Variants in TCF20 observed in about 807,000 individuals in gnomAD.
The protein encoded by TCF20 is transcription factor 20.
Under a neutral mutation model 148.6 loss-of-function variants are expected in TCF20, and 3 were observed. The ratio of observed to expected loss-of-function variants is 0.02; its 90% CI spans 0.01 to 0.05. The LOEUF is 0.05. Ranked by LOEUF, TCF20 falls within the 10% of genes least tolerant of loss-of-function variation. The pLI is 1.00. For synonymous variants in TCF20, 1,049 were observed against 909.5 expected, an observed-to-expected ratio of 1.15 and a Z score of -2.76; for missense variants, 2,350 against 2,429.3, an observed-to-expected ratio of 0.97 and a Z score of 0.69.
At position 42,168,717 on chromosome 22, in the gene TCF20, A is replaced by G. The variant is rs758394036; in HGVS notation, c.5819T>C (p.Leu1940Pro). Residue 1940 changes from leucine to proline, a missense_variant, in exon 5 of 6, where the codon CTC (leucine) becomes CCC (proline). By Grantham distance (98) the Leu-to-Pro change is moderately conservative. This residue lies in a region of TCF20 where 67 missense variants were observed against 60.8 expected (regional missense o/e 1.10). Coordinates refer to ENST00000677622, the MANE Select transcript of TCF20 (RefSeq NM_001378418.1). ...CGCGGTCTTGTTCTGCAAGGGGGGG[A>G]GAGGGCACGGAAGGGGAGGCTGACA... ...PKHKPPLPCP[L>P]PPLQNKTAKG... The G allele has an allele frequency of 3.7e-6, 6 of 1,609,310 alleles. No individual in the cohort carries two copies. Among genetic ancestry groups the G allele is most frequent in the Non-Finnish European group, 4.2e-6 (5 of 1,178,542 alleles).
chr22:42,188,244 G>T (rs1404365132), intron 2 of TCF20, among the ~76,000 whole-genome samples: 1 of 120,246 alleles, frequency 8.3e-6, no homozygotes, highest in Non-Finnish European at 1.6e-5. Flanking sequence ...CAGTGAGCGA[G>T]ATCATGCCAT....
intron 1 of TCF20, among the ~76,000 whole-genome samples, chr22:42,254,799 T>C (rs149572190): frequency 7.2e-4 from 110 of 152,124 alleles, no homozygotes; most frequent in African/African-American, 2.6e-3. Flanking sequence ...ACCCCGTCTC[T>C]ACTAAAAATA....
At chr22:42,304,966 T>C (rs1927406791) in intron 1 of TCF20, among the ~76,000 whole-genome samples, 1 of 152,080 alleles carries the variant, frequency 6.6e-6, no homozygotes, top group South Asian at 2.1e-4. Flanking sequence ...GGTTTGTCTC[T>C]ACAGCTTGTG....
At chr22:42,258,560 T>A (rs1014662488) in intron 1 of TCF20, among the ~76,000 whole-genome samples, 5 of 152,122 alleles carry the variant, frequency 3.3e-5, no homozygotes, top group Non-Finnish European at 5.9e-5. Flanking sequence ...CACTTAGGAT[T>A]TTCACTTCAG....
chr22:42,202,796 T>C (rs892873348), intron 2 of TCF20, among the ~76,000 whole-genome samples: 1 of 152,210 alleles, frequency 6.6e-6, no homozygotes, highest in South Asian at 2.1e-4. Context: ...GGCAAGGCAT[T>C]GCTTTCTGCA....
At chr22:42,275,452 A>T (rs1926756518), upstream of TCF20, among the ~76,000 whole-genome samples, 1 of 152,152 alleles carries the variant, frequency 6.6e-6, no homozygotes, top group Non-Finnish European at 1.5e-5. Context: ...CCTGCCCGGC[A>T]CTCACTGTCC....
chr22:42,162,141 C>A (rs571028318), intron 5 of TCF20, among the ~76,000 whole-genome samples: 4 of 151,800 alleles, frequency 2.6e-5, no homozygotes, highest in Admixed American at 2.6e-4. Flanking sequence ...CCACCACACC[C>A]GGCTAATTTT....
rs372945381 is a variant in TCF20, at chr22:42,203,449, C to T, written c.5655+6202G>A. Among the ~76,000 whole-genome samples the T allele has an allele frequency of 2.6e-5, 4 of 152,208 alleles. No individual in the cohort carries two copies. The East Asian group carries it at 7.7e-4, about 29-fold the overall frequency. ...GTAAAATTTGAGTCCTTCAATTTGT[C>T]ATGATTTATTCTGTAAGGTAATATA... On this transcript the variant is annotated intron_variant, in intron 2 of 5. Coordinates refer to ENST00000677622, the MANE Select transcript of TCF20 (RefSeq NM_001378418.1).
rs892854304 is a variant in TCF20, at chr22:42,252,282, C to CA, written c.-37+18056dup. On this transcript the variant is annotated intron_variant, in intron 1 of 5. Coordinates refer to ENST00000677622, the MANE Select transcript of TCF20 (RefSeq NM_001378418.1). ...TGGGCGACAGAACGAAAGTCCATCT[C>CA]AAAAAAAAAAAGAAAAAAATAAAAA... Among the ~76,000 whole-genome samples the CA allele has an allele frequency of 1.9e-3, 242 of 127,806 alleles. 1 individual carries two copies. Among genetic ancestry groups the CA allele is most frequent in the South Asian group, 0.014 (58 of 4,028 alleles). 83.8% of individuals were successfully genotyped at this position (127,806 alleles called of 152,430 possible).
chr22:42,253,994 T>G (rs1227000396), intron 1 of TCF20, among the ~76,000 whole-genome samples: 1 of 149,448 alleles, frequency 6.7e-6, no homozygotes, highest in East Asian at 2.0e-4. Flanking sequence ...GAAAATCGCT[T>G]GAACCCGGGA....
chr22:42,210,965 T>C lies in TCF20; in HGVS notation c.4341A>G (p.Thr1447=). The change falls in exon 2 of 6, where the codon ACA becomes ACG. Residue 1447 remains threonine, a synonymous_variant. Transcript: ENST00000677622. This position sits in a 1 kb window ranked among gnomAD's most constrained non-coding sequence, Gnocchi z 4.7. ...WRGSVDDKVK[T]ETHAETVTAG... is the part of the protein sequence containing the mutation. Reference sequence around the variant, plus strand: ...CAGTAACTGTTTCTGCATGTGTCTCTGTCTTCACTTTGTCATCCACGCTGC... The same window carrying C: ...CAGTAACTGTTTCTGCATGTGTCTCCGTCTTCACTTTGTCATCCACGCTGC... The C allele has an allele frequency of 5.6e-6, 9 of 1,614,190 alleles. No homozygotes were observed. The highest frequency in any genetic ancestry group is 7.6e-6 in the Non-Finnish European group (9 of 1,180,032).
chr22:42,272,647 T>C (rs1026748569), upstream of TCF20, among the ~76,000 whole-genome samples: 1 of 152,134 alleles, frequency 6.6e-6, no homozygotes, highest in African/African-American at 2.4e-5. Flanking sequence ...GCCAGAACAT[T>C]GCCCCAATGC....
chr22:42,236,207 C>A (rs1032886185), intron 1 of TCF20, among the ~76,000 whole-genome samples: 7 of 151,730 alleles, frequency 4.6e-5, no homozygotes, highest in Admixed American at 6.6e-5. Context: ...AACAAAAAAA[C>A]AAGTAAAAGA....
At chr22:42,193,850 G>A (rs535662767) in intron 2 of TCF20, among the ~76,000 whole-genome samples, 73 of 152,274 alleles carry the variant, frequency 4.8e-4, no homozygotes, top group Admixed American at 2.2e-3. Flanking sequence ...AGACCGTCCA[G>A]TAAATTCAAG....
At chr22:42,219,564 C>G (rs1052844976) in intron 1 of TCF20, among the ~76,000 whole-genome samples, 1 of 151,328 alleles carries the variant, frequency 6.6e-6, no homozygotes. Context: ...CATACACACT[C>G]TAAAAAAGAG....
At chr22:42,185,665 G>T (rs1937009626) in intron 2 of TCF20, among the ~76,000 whole-genome samples, 1 of 152,140 alleles carries the variant, frequency 6.6e-6, no homozygotes, top group African/African-American at 2.4e-5. Flanking sequence ...GCATTTCTTT[G>T]ATGCAACTCT....
At chr22:42,216,124 C>T (rs1921773838) in intron 1 of TCF20, among the ~76,000 whole-genome samples, 1 of 93,896 alleles carries the variant, frequency 1.1e-5, no homozygotes, top group Non-Finnish European at 1.9e-5. Flanking sequence ...AGGTCTCACT[C>T]TTGCCCAGGC....
chr22:42,239,737 A>C (rs1320120032), intron 1 of TCF20, among the ~76,000 whole-genome samples: 1 of 152,184 alleles, frequency 6.6e-6, no homozygotes, highest in East Asian at 1.9e-4. Flanking sequence ...TAGTGAGCCG[A>C]GATGGCGCCA....
intron 1 of TCF20, among the ~76,000 whole-genome samples, chr22:42,236,497 C>T (rs1297442527): frequency 2.0e-5 from 3 of 152,090 alleles, no homozygotes; most frequent in Admixed American, 2.0e-4. Context: ...CAATCCCCAC[C>T]CTCCCCACAG....
Sources: allele counts gnomAD v4.1 joint callset (sites outside exome capture counted in the v4.1 genomes callset), GRCh38; gene constraint gnomAD v4.1.1; regional missense constraint gnomAD v4.1.1; non-coding constraint Gnocchi (gnomAD v3.1); transcripts MANE v1.5; gene names NCBI Gene and HGNC (gene_info 2026-07-23, HGNC 2026-07-21).